SOX30: variants seen among roughly 807,000 people sequenced by gnomAD.
SOX30 encodes transcription factor SOX-30.
SOX30 carries 17 observed loss-of-function variants against 58.6 expected under a neutral mutation model. That is an observed-to-expected ratio of 0.29 (90% confidence interval 0.20 to 0.44). SOX30 has a LOEUF of 0.44. Among genes scored for constraint, SOX30 ranks in the 20% least tolerant of loss-of-function variants. SOX30 has a pLI of 1.00. For synonymous variants in SOX30, 421 were observed against 400.2 expected, an observed-to-expected ratio of 1.05 and a Z score of -0.62; for missense variants, 951 against 965.8, an observed-to-expected ratio of 0.98 and a Z score of 0.20.
intron 1 of SOX30, 51 bp downstream of exon 1, chr5:157,651,061 T>TATA (rs1561586010): frequency 2.2e-6 from 3 of 1,344,768 alleles, no homozygotes; most frequent in Non-Finnish European, 3.0e-6. Context: ...AAAACAGCTA[T>TATA]GGGCAACACA....
chr5:157,652,297 C>T lies in SOX30; in HGVS notation c.-219G>A. 8.1e-7 allele frequency: 1 copy of T among 1,238,352 alleles called. No individual in the cohort carries two copies. Among genetic ancestry groups the T allele is most frequent in the Non-Finnish European group, 1.0e-6 (1 of 992,912 alleles). The allele number at this position is 1,238,352 out of a possible 1,614,324, so 76.7% of individuals were successfully genotyped here. A position where few individuals can be genotyped will look rare whatever the true frequency, so the allele number is the denominator to read the frequency against. On this transcript the variant is annotated 5_prime_UTR_variant, in exon 1 of 5. Transcript: ENST00000265007. ...TTTCCGGCTCTTCCTGGTCCCTACT[C>T]TCGCCTCGTGCTGAGTCCTCGAATC...
At chr5:157,669,437 G>A (rs184558815) in intron 1 of SOX30, among the ~76,000 whole-genome samples, 3 of 152,090 alleles carry the variant, frequency 2.0e-5, no homozygotes, top group East Asian at 3.9e-4. Context: ...TGCTCTCCCC[G>A]ATCTCCCAAA....
At chr5:157,641,614 A>G (rs1317989058) in intron 3 of SOX30, among the ~76,000 whole-genome samples, 1 of 152,198 alleles carries the variant, frequency 6.6e-6, no homozygotes, top group African/African-American at 2.4e-5. Context: ...CTCTATCTCA[A>G]AAAATAATAA....
intron 4 of SOX30, among the ~76,000 whole-genome samples, chr5:157,629,457 A>G (rs748910023): frequency 1.2e-4 from 18 of 152,220 alleles, no homozygotes; most frequent in Non-Finnish European, 1.0e-4. Flanking sequence ...GCTAAAGTCT[A>G]TAACGCCAGC....
intron 2 of SOX30, among the ~76,000 whole-genome samples, chr5:157,666,478 G>GACACACACACAC (rs375835461): frequency 5.3e-5 from 7 of 132,440 alleles, no homozygotes; most frequent in South Asian, 2.7e-4. Flanking sequence ...TAGTCCAGTA[G>GACACACACACAC]ACACACACAC....
At chr5:157,632,907 G>A (rs1290496052) in intron 4 of SOX30, among the ~76,000 whole-genome samples, 6 of 152,174 alleles carry the variant, frequency 3.9e-5, no homozygotes, top group African/African-American at 1.4e-4. Flanking sequence ...TGACTAACAT[G>A]GCAAAACTCA....
upstream of SOX30, among the ~76,000 whole-genome samples, chr5:157,656,427 C>T (rs1385226745): frequency 6.6e-6 from 1 of 152,172 alleles, no homozygotes; most frequent in African/African-American, 2.4e-5. Context: ...CTGCTGCTTT[C>T]ACTTTTGAAA....
In SOX30 at chr5:157,626,086, T is replaced by A. The variant is rs1758644485; in HGVS notation, c.*254A>T. 2.7e-6 allele frequency: 1 copy of A among 370,756 alleles called. No homozygotes were observed. The highest frequency in any genetic ancestry group is 4.3e-5 in the Admixed American group (1 of 23,264). 23.0% of individuals were successfully genotyped at this position (370,756 alleles called of 1,614,324 possible). ...TGCATGTTCCAGGATAAAGTAATAA[T>A]AATACATGTTGATGCAAATTTCAGC... On this transcript the variant is annotated 3_prime_UTR_variant, in exon 5 of 5. Coordinates refer to ENST00000265007, the MANE Select transcript of SOX30 (RefSeq NM_178424.2).
Position 157,651,615 on chromosome 5 carries a change from GC to G in SOX30, c.463del (p.Ala155ProfsTer38). ...SLDQSVGPRGAVETGPRASRV... is the reference protein window; with the variant it reads ...SLDQSVGPRGXVETGPRASRV... The stretch of plus-strand genomic sequence containing the variant: ...GGAGGCTCTAGGACCGGTTTCGACG[GC>G]CCCTCGAGGCCCCACTGACTGATCC... On this transcript the variant is annotated frameshift_variant, in exon 1 of 5. Coordinates refer to ENST00000265007, the MANE Select transcript of SOX30 (RefSeq NM_178424.2). LOFTEE classifies it high-confidence loss of function. 6.2e-7 allele frequency: 1 copy of G among 1,612,726 alleles called. No individual in the cohort carries two copies. The highest frequency in any genetic ancestry group is 8.5e-7 in the Non-Finnish European group (1 of 1,179,850).
chr5:157,631,047 T>TTATATATATATACAATATATATATTTTA lies in SOX30; in HGVS notation c.1881-4327_1881-4326insTAAAATATATATATTGTATATATATATA, dbSNP rs1758788483. 9.4e-5 allele frequency among the ~76,000 whole-genome samples: 5 copies of TTATATATATATACAATATATATATTTTA among 53,280 alleles called. No homozygotes were observed. In the East Asian group the frequency reaches 3.7e-3, roughly 39 times the overall value. 35.0% of individuals were successfully genotyped at this position (53,280 alleles called of 152,430 possible). A position where few individuals can be genotyped will look rare whatever the true frequency, so the allele number is the denominator to read the frequency against. On this transcript the variant is annotated intron_variant, in intron 4 of 4. Coordinates refer to ENST00000265007, the MANE Select transcript of SOX30 (RefSeq NM_178424.2). The stretch of plus-strand genomic sequence containing the variant: ...TATATATATATACAATATATATATT[T>TTATATATATATACAATATATATATTTTA]TATATATATATATATATATATACAC...
intron 4 of SOX30, among the ~76,000 whole-genome samples, chr5:157,629,375 G>A (rs1357121250): frequency 6.6e-6 from 1 of 152,098 alleles, no homozygotes; most frequent in East Asian, 1.9e-4. Context: ...ACTCAATGTA[G>A]GCAAGACGCT....
At chr5:157,657,340 A>G (rs747059589), upstream of SOX30, among the ~76,000 whole-genome samples, 2 of 152,170 alleles carry the variant, frequency 1.3e-5, no homozygotes, top group Non-Finnish European at 2.9e-5. Flanking sequence ...ATCAATTGAG[A>G]CTTTAATAGT....
chr5:157,660,102 C>T (rs751869870), intron 2 of SOX30, among the ~76,000 whole-genome samples: 5 of 152,196 alleles, frequency 3.3e-5, no homozygotes, highest in African/African-American at 4.8e-5. Flanking sequence ...CCCATTGTAG[C>T]CTGAGCTAGT....
intron 1 of SOX30, among the ~76,000 whole-genome samples, chr5:157,669,105 A>G (rs1384621076): frequency 6.6e-6 from 1 of 152,180 alleles, no homozygotes; most frequent in East Asian, 1.9e-4. Context: ...ACAGAGACCA[A>G]AAGGGGTCAG....
rs377099828 is a variant in SOX30 at position 157,627,723 on chromosome 5, G to C, written c.1881-1002C>G. 7.2e-5 allele frequency among the ~76,000 whole-genome samples: 11 copies of C among 152,122 alleles called. No homozygotes were observed. In the East Asian group the frequency reaches 2.1e-3, roughly 29 times the overall value. ...AAGTTATGGTTTTTTGGCCGGGCGC[G>C]GTGGCTCACGCCTGTAATCCCAGCA... On this transcript the variant is annotated intron_variant, in intron 4 of 4. Coordinates refer to ENST00000265007, the MANE Select transcript of SOX30 (RefSeq NM_178424.2).
intron 1 of SOX30, among the ~76,000 whole-genome samples, chr5:157,668,341 T>C (rs1759707854): frequency 6.6e-6 from 1 of 152,152 alleles, no homozygotes; most frequent in Non-Finnish European, 1.5e-5. Flanking sequence ...GGATTCAGAA[T>C]TTGGTGGGTC....
chr5:157,648,577 C>CT (rs1759252269), intron 2 of SOX30, 80 bp downstream of exon 2: 1 of 1,346,622 alleles, frequency 7.4e-7, no homozygotes, highest in Admixed American at 2.2e-5. Context: ...ATATTTTTGT[C>CT]TTTCAATCTC....
Position 157,632,143 on chromosome 5 carries a change from C to A in SOX30, c.1881-5422G>T, listed in dbSNP as rs530373177. Among the ~76,000 whole-genome samples, 12 of 149,898 alleles carry A rather than the reference C, an allele frequency of 8.0e-5. No homozygotes were observed. The South Asian group carries it at 2.5e-3, about 32-fold the overall frequency. ...ATCTGAAGCAAGACCCTTCTGAGTA[C>A]CCAATGTTCTGTGCCCCATAGAAGT... On this transcript the variant is annotated intron_variant, in intron 4 of 4. Coordinates refer to ENST00000265007, the MANE Select transcript of SOX30 (RefSeq NM_178424.2).
intron 4 of SOX30, among the ~76,000 whole-genome samples, chr5:157,628,766 C>G (rs766438494): frequency 1.3e-5 from 2 of 151,806 alleles, no homozygotes; most frequent in Admixed American, 1.3e-4. Context: ...CTCAGCCTAC[C>G]GAGTAGCTAG....
Sources: gnomAD v4.1 joint callset for allele counts (sites outside exome capture counted in the v4.1 genomes callset) on GRCh38, gnomAD v4.1.1 for gene constraint, MANE v1.5 for transcripts, NCBI Gene and HGNC (gene_info 2026-07-23, HGNC 2026-07-21) for gene names.